Variants in ZNF532 observed in about 807,000 individuals in gnomAD.
ZNF532 encodes the protein zinc finger protein 532.
ZNF532 carries 22 observed loss-of-function variants against 89.3 expected under a neutral mutation model. The observed-to-expected ratio is 0.25, with a 90% CI of 0.18 to 0.35. The LOEUF (loss-of-function observed/expected upper bound fraction) is 0.35. Ranked by LOEUF, ZNF532 falls within the 10% of genes least tolerant of loss-of-function variation. The pLI is 1.00. For synonymous variants in ZNF532, 606 were observed against 649.6 expected (o/e 0.93, Z 1.02); for missense variants, 1,132 against 1,643.4 (o/e 0.69, Z 5.38).
rs1230242230 is a variant in ZNF532, at chr18:58,888,856, T to TTA, written c.-18+23288_-18+23289dup. Among the ~76,000 whole-genome samples the TTA allele has an allele frequency of 2.5e-4, 11 of 44,390 alleles. 1 individual carries two copies. Among genetic ancestry groups the TTA allele is most frequent in the East Asian group, 8.4e-4 (1 of 1,192 alleles). 29.1% of individuals were successfully genotyped at this position (44,390 alleles called of 152,430 possible). On this transcript the variant is annotated intron_variant, in intron 2 of 9. Coordinates refer to ENST00000591808, the MANE Select transcript of ZNF532 (RefSeq NM_001375912.1). ...TATATATAATTTATATATATATAAT[T>TTA]TATATATATATAATATATATTATAT...
chr18:58,975,202 A>G (rs1337479663), intron 7 of ZNF532, among the ~76,000 whole-genome samples: 1 of 152,172 alleles, frequency 6.6e-6, no homozygotes, highest in Non-Finnish European at 1.5e-5. Flanking sequence ...GCTGAAGGGC[A>G]TGTGTCAGCA....
intron 2 of ZNF532, among the ~76,000 whole-genome samples, chr18:58,899,440 T>C (rs1483803155): frequency 2.0e-5 from 3 of 152,150 alleles, no homozygotes; most frequent in Non-Finnish European, 4.4e-5. Context: ...CTCTCTGCAT[T>C]TCCTCTTTCT....
At chr18:58,904,123 G>C (rs944308081) in intron 2 of ZNF532, among the ~76,000 whole-genome samples, 1 of 152,188 alleles carries the variant, frequency 6.6e-6, no homozygotes, top group Non-Finnish European at 1.5e-5. Context: ...GGCCGAGGCA[G>C]GCGAATTGCT....
In ZNF532 at chr18:58,953,438, C is replaced by T. The variant is rs78520971; in HGVS notation, c.2869-80C>T. 975 of 1,252,832 alleles carry T rather than the reference C, an allele frequency of 7.8e-4. 6 individuals carry two copies. In the African/African-American group the frequency reaches 0.013, roughly 17 times the overall value. 77.6% of individuals were successfully genotyped at this position (1,252,832 alleles called of 1,614,324 possible). A position where few individuals can be genotyped will look rare whatever the true frequency, so the allele number is the denominator to read the frequency against. ...TATAAACTGGTGTTGAAATGTGTACCACATGTTAAGATAGCATACTTGTGC... is the reference window on the plus strand; with the variant it reads ...TATAAACTGGTGTTGAAATGTGTACTACATGTTAAGATAGCATACTTGTGC... On this transcript the variant is annotated intron_variant, in intron 6 of 9. Transcript: ENST00000591808.
At chr18:58,949,663 A>G (rs1480667271) in intron 6 of ZNF532, among the ~76,000 whole-genome samples, 1 of 152,226 alleles carries the variant, frequency 6.6e-6, no homozygotes, top group Non-Finnish European at 1.5e-5. Flanking sequence ...GCGACAGAGC[A>G]AGACTCCGTC....
chr18:58,902,679 A>G (rs2059678115), intron 2 of ZNF532, among the ~76,000 whole-genome samples: 1 of 151,870 alleles, frequency 6.6e-6, no homozygotes, highest in Admixed American at 6.6e-5. Context: ...TTTAGTAGAG[A>G]CAGGGTTTCT....
intron 3 of ZNF532, among the ~76,000 whole-genome samples, chr18:58,923,573 C>T (rs900864815): frequency 6.6e-6 from 1 of 152,022 alleles, no homozygotes; most frequent in Non-Finnish European, 1.5e-5. Flanking sequence ...GCCTGGGGTG[C>T]TATCCAGCAG....
At chr18:58,912,872 C>T (rs915908314) in intron 2 of ZNF532, among the ~76,000 whole-genome samples, 2 of 152,048 alleles carry the variant, frequency 1.3e-5, no homozygotes, top group Non-Finnish European at 2.9e-5. Flanking sequence ...CCTGCACTTC[C>T]TAGAGAGAGG....
intron 8 of ZNF532, chr18:58,980,078 A>AATGTTAC (rs2067560976): frequency 6.6e-6 from 1 of 152,222 alleles, no homozygotes; most frequent in South Asian, 2.1e-4. Flanking sequence ...AAAGCACTGA[A>AATGTTAC]ATGTTACATG....
intron 2 of ZNF532, among the ~76,000 whole-genome samples, chr18:58,915,045 C>T (rs1301186703): frequency 1.3e-5 from 2 of 152,180 alleles, no homozygotes; most frequent in Non-Finnish European, 2.9e-5. Context: ...GGAACACTTG[C>T]TCTTGCCTTC....
intron 3 of ZNF532, among the ~76,000 whole-genome samples, chr18:58,925,787 G>A (rs1471645522): frequency 6.6e-6 from 1 of 152,214 alleles, no homozygotes; most frequent in African/African-American, 2.4e-5. Flanking sequence ...TTTGTATCAG[G>A]TGTGAGATTT....
chr18:58,913,576 C>T (rs942307283), intron 2 of ZNF532, among the ~76,000 whole-genome samples: 1 of 151,266 alleles, frequency 6.6e-6, no homozygotes, highest in Admixed American at 6.6e-5. Context: ...CATAGTGAGA[C>T]CCCATCCTAA....
At chr18:58,947,334 G>T (rs911231212) in intron 5 of ZNF532, among the ~76,000 whole-genome samples, 1 of 152,146 alleles carries the variant, frequency 6.6e-6, no homozygotes, top group Non-Finnish European at 1.5e-5. Context: ...AGTGTGGATG[G>T]GCAGGAGGGA....
At chr18:58,924,234 G>A (rs528726439) in intron 3 of ZNF532, among the ~76,000 whole-genome samples, 42 of 152,326 alleles carry the variant, frequency 2.8e-4, no homozygotes, top group African/African-American at 9.6e-4. Flanking sequence ...TGGGTGAATT[G>A]GAAGAGTATA....
At position 58,929,195 on chromosome 18, in the gene ZNF532, C is replaced by T. The variant is rs540037464; in HGVS notation, c.2347-5238C>T. 3.9e-4 allele frequency among the ~76,000 whole-genome samples: 60 copies of T among 152,266 alleles called. No homozygotes were observed. In the East Asian group the frequency reaches 4.4e-3, roughly 11 times the overall value. ...ATGTTGAAGCATAGGCTCTTACAGC[C>T]GGAGGGACCTTAGGAATCACATAAG... On this transcript the variant is annotated intron_variant, in intron 3 of 9. Transcript: ENST00000591808.
chr18:58,915,518 C>T (rs945485491), intron 2 of ZNF532, among the ~76,000 whole-genome samples: 1 of 152,162 alleles, frequency 6.6e-6, no homozygotes, highest in Admixed American at 6.6e-5. Context: ...ATGGGAGTTC[C>T]TCTCTGGGGC....
At chr18:58,949,959 CCTCTTAAGATA>C (rs1322914142) in intron 6 of ZNF532, among the ~76,000 whole-genome samples, 1 of 152,048 alleles carries the variant, frequency 6.6e-6, no homozygotes, top group Non-Finnish European at 1.5e-5. Context: ...ACAGTAAAAC[CCTCTTAAGATA>C]CTTTAACTAT....
intron 3 of ZNF532, among the ~76,000 whole-genome samples, chr18:58,921,292 C>T (rs924758018): frequency 3.3e-5 from 5 of 152,032 alleles, no homozygotes; most frequent in Middle Eastern, 3.2e-3. Flanking sequence ...TATTTGAGCC[C>T]GGCTTCATCA....
intron 5 of ZNF532, 52 bp from the exon 6 acceptor site, chr18:58,948,015 T>A: frequency 1.3e-6 from 2 of 1,544,560 alleles, no homozygotes; most frequent in Non-Finnish European, 1.7e-6. Flanking sequence ...TAGCAGATCC[T>A]TTGACTTAAA....
Sources: allele counts gnomAD v4.1 joint callset (sites outside exome capture counted in the v4.1 genomes callset), GRCh38; gene constraint gnomAD v4.1.1; transcripts MANE v1.5; gene names NCBI Gene and HGNC (gene_info 2026-07-23, HGNC 2026-07-21).